The following NUDT6 variants were observed in gnomAD, a reference collection of about 807,000 sequenced individuals.
NUDT6 encodes the protein FAD diphosphatase NUDT6.
Under a neutral mutation model 36.8 loss-of-function variants are expected in NUDT6, and 24 were observed. The ratio of observed to expected loss-of-function variants is 0.65; its 90% CI spans 0.47 to 0.92. The LOEUF is 0.92. Ranked by LOEUF, NUDT6 falls within the 40% of genes least tolerant of loss-of-function variation. The pLI, the probability that NUDT6 is intolerant of heterozygous loss-of-function variation, is 0.00. For synonymous variants in NUDT6, 163 were observed against 157.0 expected (o/e 1.04, Z -0.29); for missense variants, 388 against 392.8 (o/e 0.99, Z 0.10).
intron 3 of NUDT6, among the ~76,000 whole-genome samples, chr4:122,909,693 G>A (rs72919849): frequency 5.9e-5 from 9 of 152,064 alleles, no homozygotes; most frequent in African/African-American, 2.2e-4. Context: ...GGTTCTAAGA[G>A]CCACCAAATA....
intron 3 of NUDT6, among the ~76,000 whole-genome samples, chr4:122,910,338 A>C (rs1444395371): frequency 2.0e-5 from 3 of 152,232 alleles, no homozygotes; most frequent in Non-Finnish European, 4.4e-5. Flanking sequence ...GGAGTAAGAC[A>C]ATTCAGCTAT....
chr4:122,912,594 T>C lies in NUDT6; in HGVS notation c.472A>G (p.Ile158Val). 6.3e-7 allele frequency: 1 copy of C among 1,593,524 alleles called. No individual in the cohort carries two copies. ...TTATTTCGATCTTGTACAACCAGTA[T>C]TTTTCTAGTACTTTCATCAAATACA... ...GAVFDESTRK[I>V]LVVQDRNKLK... The change falls in exon 3 of 5, where the codon ATA becomes GTA. Residue 158 changes from isoleucine to valine, a missense_variant. Transcript: ENST00000304430.
chr4:122,922,770 G>C, upstream of NUDT6: 1 of 587,770 alleles, frequency 1.7e-6, no homozygotes, highest in Non-Finnish European at 3.0e-6. Context: ...CCAGTTAAGC[G>C]GGGAAAACCT....
intron 4 of NUDT6, chr4:122,894,195 A>C (rs1018056666): frequency 6.6e-6 from 1 of 152,238 alleles, no homozygotes; most frequent in Admixed American, 6.5e-5. Context: ...ATGTTTTAAA[A>C]CATAAGGCAT....
Position 122,917,901 on chromosome 4 carries a change from C to T in NUDT6, c.239-197G>A, listed in dbSNP as rs532433825. The T allele has an allele frequency of 5.2e-6, 3 of 575,168 alleles. No homozygotes were observed. The African/African-American group carries it at 5.6e-5, about 11-fold the overall frequency. 35.6% of individuals were successfully genotyped at this position (575,168 alleles called of 1,614,324 possible). On this transcript the variant is annotated intron_variant, in intron 1 of 4. Transcript: ENST00000304430. The stretch of plus-strand genomic sequence containing the variant: ...TTGTTTATATGATTTTTCCATCAGA[C>T]TGAATTCCTTCAGAATAAAGTCATT...
At chr4:122,920,159 T>C (rs528764409) in intron 1 of NUDT6, 1 of 152,318 alleles carries the variant, frequency 6.6e-6, no homozygotes, top group Admixed American at 6.5e-5. Flanking sequence ...AGACTAAGAA[T>C]AGCGGACTTC....
At chr4:122,897,796 T>C in intron 3 of NUDT6, 118 bp from the exon 4 acceptor site, 2 of 716,700 alleles carry the variant, frequency 2.8e-6, no homozygotes, top group Middle Eastern at 3.1e-4. Context: ...TTTTTAGTAA[T>C]TGCATGCAAA....
intron 1 of NUDT6, chr4:122,920,141 G>A (rs1192759702): frequency 6.6e-6 from 1 of 152,106 alleles, no homozygotes; most frequent in African/African-American, 2.4e-5. Context: ...GGACTTCTTA[G>A]TCCATAAAGA....
intron 1 of NUDT6, chr4:122,918,617 T>TTAA (rs1389523949): frequency 2.0e-5 from 3 of 152,180 alleles, no homozygotes; most frequent in African/African-American, 7.2e-5. Flanking sequence ...TATCAAATAG[T>TTAA]TAATTAACTT....
At chr4:122,897,400 A>ATGT in intron 4 of NUDT6, 1 of 533,366 alleles carries the variant, frequency 1.9e-6, no homozygotes, top group Non-Finnish European at 3.4e-6. Context: ...ACAGAAGAAT[A>ATGT]GGTGGTATGT....
chr4:122,902,193 A>C (rs1415058436), intron 3 of NUDT6, among the ~76,000 whole-genome samples: 1 of 152,190 alleles, frequency 6.6e-6, no homozygotes, highest in Non-Finnish European at 1.5e-5. Context: ...ATTCAATAGA[A>C]ATTTATTGCT....
chr4:122,901,355 T>C (rs2150801961), intron 3 of NUDT6, among the ~76,000 whole-genome samples: 1 of 152,312 alleles, frequency 6.6e-6, no homozygotes, highest in South Asian at 2.1e-4. Flanking sequence ...AATATGTGAT[T>C]TTAAACCATA....
intron 2 of NUDT6, among the ~76,000 whole-genome samples, chr4:122,916,220 GC>G (rs1727836908): frequency 1.3e-5 from 2 of 152,112 alleles, no homozygotes; most frequent in Non-Finnish European, 2.9e-5. Context: ...ATAGGGCCCA[GC>G]AATCTGTTTT....
chr4:122,897,963 C>T (rs1351521655), intron 3 of NUDT6: 1 of 300,466 alleles, frequency 3.3e-6, no homozygotes, highest in Non-Finnish European at 6.1e-6. Flanking sequence ...TGGAGGGAAA[C>T]ATCTACTGAA....
chr4:122,910,865 T>A (rs1727719830), intron 3 of NUDT6, among the ~76,000 whole-genome samples: 1 of 152,132 alleles, frequency 6.6e-6, no homozygotes, highest in South Asian at 2.1e-4. Context: ...TTTTGTCTCA[T>A]TAACATCATT....
chr4:122,913,353 C>T (rs1047558410), intron 2 of NUDT6: 2 of 152,162 alleles, frequency 1.3e-5, no homozygotes, highest in South Asian at 4.2e-4. Context: ...TTCATAAGGA[C>T]ACTAATCCCA....
chr4:122,919,678 T>G (rs1727926754), intron 1 of NUDT6: 1 of 152,200 alleles, frequency 6.6e-6, no homozygotes, highest in Admixed American at 6.5e-5. Context: ...CTAATATCTA[T>G]CCTTTAAAGT....
intron 4 of NUDT6, chr4:122,894,828 T>A (rs1350043361): frequency 4.6e-5 from 7 of 152,210 alleles, no homozygotes; most frequent in Admixed American, 2.0e-4. Context: ...TGATATAACA[T>A]CTCCTAACTT....
At chr4:122,899,130 G>A (rs45573740) in intron 3 of NUDT6, among the ~76,000 whole-genome samples, 7,249 of 148,138 alleles carry the variant, frequency 0.049, 338 homozygotes, top group South Asian at 0.15. Context: ...CCTCCCACCT[G>A]GGCTTCCCAA....
Sources: gnomAD v4.1 joint callset for allele counts (sites outside exome capture counted in the v4.1 genomes callset) on GRCh38, gnomAD v4.1.1 for gene constraint, MANE v1.5 for transcripts, NCBI Gene and HGNC (gene_info 2026-07-23, HGNC 2026-07-21) for gene names.